ADAM2: variants seen among roughly 807,000 people sequenced by gnomAD.
ADAM2 encodes ADAM metallopeptidase domain 2, also known as disintegrin and metalloproteinase domain-containing protein 2.
A neutral mutation model predicts 99.3 loss-of-function variants in ADAM2; 101 were observed. That is an observed-to-expected ratio of 1.02 (90% CI 0.87 to 1.20). The LOEUF (loss-of-function observed/expected upper bound fraction) is 1.20, where lower values mean the gene tolerates loss of function less well. Among genes scored for constraint, ADAM2 ranks in the 50% most tolerant of loss-of-function variants. The pLI is 0.00. For synonymous variants in ADAM2, 323 were observed against 287.6 expected (o/e 1.12, Z -1.25); for missense variants, 948 against 878.7 (o/e 1.08, Z -1.00).
intron 15 of ADAM2, among the ~76,000 whole-genome samples, chr8:39,757,265 G>T (rs922364320): frequency 6.6e-6 from 1 of 151,852 alleles, no homozygotes; most frequent in East Asian, 1.9e-4. Flanking sequence ...TTGGCTGGAA[G>T]GCATTGTAGT....
At chr8:39,822,838 G>T (rs183865522) in intron 4 of ADAM2, among the ~76,000 whole-genome samples, 2 of 151,588 alleles carry the variant, frequency 1.3e-5, no homozygotes, top group African/African-American at 4.9e-5. Flanking sequence ...GCGTGATCTC[G>T]GCTCACTGCA....
chr8:39,784,468 A>G (rs917807412), intron 10 of ADAM2, among the ~76,000 whole-genome samples: 2 of 151,688 alleles, frequency 1.3e-5, no homozygotes, highest in Admixed American at 6.6e-5. Context: ...GTAGCCTTGA[A>G]CTCCTAGGCT....
rs141717489 is a variant in ADAM2 at position 39,766,854 on chromosome 8, C to T, written c.1501G>A (p.Gly501Ser). Residue 501 changes from glycine (G) to serine (S), a missense_variant, in exon 14 of 21, where the codon GGC (glycine) becomes AGC (serine). By Grantham distance (56) the Gly-to-Ser change is moderately conservative. Coordinates refer to ENST00000265708, the MANE Select transcript of ADAM2 (RefSeq NM_001464.5). The stretch of plus-strand genomic sequence containing the variant: ...ATCAAATGATAATAAATACCTTTGC[C>T]AAATGTGTCTGTACATTGTTTATCC... ...SGDKQCTDTF[G>S]KEVEFGPSEC... 5.3e-4 allele frequency: 835 copies of T among 1,577,214 alleles called. 3 individuals carry two copies. Among genetic ancestry groups the T allele is most frequent in the Non-Finnish European group, 1.6e-4 (186 of 1,157,054 alleles).
At chr8:39,746,017 G>GTATA (rs10661866) in intron 19 of ADAM2, among the ~76,000 whole-genome samples, 41 of 150,250 alleles carry the variant, frequency 2.7e-4, no homozygotes, top group South Asian at 1.3e-3. Flanking sequence ...GTGTGTGTGT[G>GTATA]TATATATATA....
chr8:39,810,833 G>A (rs1220180299), intron 6 of ADAM2, among the ~76,000 whole-genome samples: 5 of 152,004 alleles, frequency 3.3e-5, no homozygotes, highest in Non-Finnish European at 7.4e-5. Flanking sequence ...GAGAAAGCAG[G>A]AAAGATCTAA....
At chr8:39,796,774 G>T (rs1430267427) in intron 7 of ADAM2, among the ~76,000 whole-genome samples, 3 of 152,128 alleles carry the variant, frequency 2.0e-5, no homozygotes, top group African/African-American at 7.2e-5. Context: ...GTTTTGACTT[G>T]AATTTCTCTG....
chr8:39,795,032 A>G (rs1202709884), intron 7 of ADAM2, among the ~76,000 whole-genome samples: 1 of 152,094 alleles, frequency 6.6e-6, no homozygotes, highest in Non-Finnish European at 1.5e-5. Context: ...TTTGTGTTAT[A>G]CTTTATCTAC....
intron 6 of ADAM2, 66 bp from the exon 7 acceptor site, chr8:39,809,532 C>A: frequency 1.4e-6 from 1 of 734,678 alleles, no homozygotes; most frequent in Non-Finnish European, 2.4e-6. Context: ...GTGCATGTCA[C>A]TACTATTAAT....
At chr8:39,789,258 G>T (rs1803601913) in intron 7 of ADAM2, among the ~76,000 whole-genome samples, 1 of 151,440 alleles carries the variant, frequency 6.6e-6, no homozygotes. Context: ...GAATTGAAGG[G>T]AGAAATAGAA....
chr8:39,756,659 A>G (rs571945507), intron 15 of ADAM2, among the ~76,000 whole-genome samples: 81 of 152,316 alleles, frequency 5.3e-4, no homozygotes, highest in African/African-American at 1.8e-3. Context: ...TCTTCAAGCA[A>G]TTTTCTATGG....
intron 12 of ADAM2, among the ~76,000 whole-genome samples, chr8:39,767,516 T>C (rs961449190): frequency 1.3e-5 from 2 of 152,226 alleles, no homozygotes; most frequent in African/African-American, 2.4e-5. Flanking sequence ...GGGTCCACCA[T>C]AGCCAAGTCA....
At position 39,790,291 on chromosome 8, in the gene ADAM2, A is replaced by G. The variant is rs562283177; in HGVS notation, c.571-1551T>C. Among the ~76,000 whole-genome samples the G allele has an allele frequency of 3.8e-4, 58 of 152,090 alleles. 1 individual carries two copies. Among genetic ancestry groups the G allele is most frequent in the African/African-American group, 1.3e-3 (56 of 41,550 alleles). On this transcript the variant is annotated intron_variant, in intron 7 of 20. Coordinates refer to ENST00000265708, the MANE Select transcript of ADAM2 (RefSeq NM_001464.5). ...TAAAAGTGGAAAAAGTGAAATGTCC[A>G]TCAACTAATGAATAGGTAATCAAAT...
intron 6 of ADAM2, among the ~76,000 whole-genome samples, chr8:39,818,877 A>C (rs552488813): frequency 3.7e-4 from 56 of 152,128 alleles, no homozygotes; most frequent in African/African-American, 1.3e-3. Flanking sequence ...TATATAAAAC[A>C]TTGCAGAAAT....
At chr8:39,793,781 G>A (rs546867713) in intron 7 of ADAM2, among the ~76,000 whole-genome samples, 151 of 152,112 alleles carry the variant, frequency 9.9e-4, no homozygotes, top group Middle Eastern at 6.8e-3. Context: ...GATGGGTTTC[G>A]AACTGGAGAA....
chr8:39,810,391 C>G (rs919611419), intron 6 of ADAM2, among the ~76,000 whole-genome samples: 11 of 152,294 alleles, frequency 7.2e-5, no homozygotes, highest in Non-Finnish European at 1.6e-4. Flanking sequence ...AGAACGTTAA[C>G]AAGGATATCC....
chr8:39,762,392 C>T (rs909007888), intron 14 of ADAM2, among the ~76,000 whole-genome samples: 2 of 152,006 alleles, frequency 1.3e-5, no homozygotes, highest in African/African-American at 4.8e-5. Flanking sequence ...TGCTGGTAGA[C>T]AAAAAATAGG....
chr8:39,813,518 C>G (rs189023207), intron 6 of ADAM2, among the ~76,000 whole-genome samples: 11 of 152,280 alleles, frequency 7.2e-5, no homozygotes, highest in East Asian at 3.9e-4. Context: ...TTGGAACCAA[C>G]CCAAATGTCC....
At chr8:39,791,129 A>G (rs944306448) in intron 7 of ADAM2, among the ~76,000 whole-genome samples, 2 of 152,042 alleles carry the variant, frequency 1.3e-5, no homozygotes, top group Non-Finnish European at 2.9e-5. Context: ...ATAAACTAAA[A>G]CCTAAGTTGT....
At position 39,809,289 on chromosome 8, in the gene ADAM2, G is replaced by T. The variant is rs1804590412; in HGVS notation, c.570+121C>A. 2.8e-5 allele frequency: 16 copies of T among 572,204 alleles called. No individual in the cohort carries two copies. In the South Asian group the frequency reaches 3.7e-4, roughly 13 times the overall value. The allele number at this position is 572,204 out of a possible 1,614,324, so 35.4% of individuals were successfully genotyped here. A position where few individuals can be genotyped will look rare whatever the true frequency, so the allele number is the denominator to read the frequency against. ...ACTACTGATATTAATAATTTAAAGT[G>T]CATTAATGCAGAGCTAAGGCAAAAT... On this transcript the variant is annotated intron_variant, in intron 7 of 20. Coordinates refer to ENST00000265708, the MANE Select transcript of ADAM2 (RefSeq NM_001464.5).
Sources: gnomAD v4.1 joint callset for allele counts (sites outside exome capture counted in the v4.1 genomes callset) on GRCh38, gnomAD v4.1.1 for gene constraint, MANE v1.5 for transcripts, NCBI Gene and HGNC (gene_info 2026-07-23, HGNC 2026-07-21) for gene names.